Variants in TNK1 observed in about 807,000 individuals in gnomAD.
TNK1 encodes non-receptor tyrosine-protein kinase TNK1.
Under a neutral mutation model 65.2 loss-of-function variants are expected in TNK1, and 53 were observed. That is an observed-to-expected ratio of 0.81 (90% CI 0.65 to 1.02). The LOEUF (loss-of-function observed/expected upper bound fraction) is 1.02. TNK1 is among the 50% of genes least tolerant of loss of function. The pLI is 0.00. For missense variants in TNK1, 837 were observed against 878.4 expected, an observed-to-expected ratio of 0.95 and a Z score of 0.60; for synonymous variants, 353 against 364.6, an observed-to-expected ratio of 0.97 and a Z score of 0.36.
In TNK1 at chr17:7,384,185, G is replaced by A. The variant is rs537614873; in HGVS notation, c.798G>A (p.Leu266=). 1 of 1,532,886 alleles carries A rather than the reference G, an allele frequency of 6.5e-7. No homozygotes were observed. Among genetic ancestry groups the A allele is most frequent in the East Asian group, 2.5e-5 (1 of 40,502 alleles). 95.0% of individuals were successfully genotyped at this position (1,532,886 alleles called of 1,614,324 possible). ...CCATCAAGGTGGCTGACTTCGGGCT[G>A]GTGCGGCCTCTGGGCGGTGCCCGGG... The part of the protein sequence containing the change: ...PRTIKVADFG[L]VRPLGGARGR... Residue 266 remains leucine (L), a synonymous_variant, in exon 6 of 13, where the codon CTG becomes CTA. Transcript: ENST00000688331.
chr17:7,385,624 G>GCA, intron 7 of TNK1, among the ~76,000 whole-genome samples: 2 of 152,000 alleles, frequency 1.3e-5, no homozygotes, highest in African/African-American at 2.4e-5. Context: ...GAGTGCAGTG[G>GCA]TGGGATCTTG....
Position 7,388,134 on chromosome 17 carries a change from CAG to C in TNK1, c.1478-267_1478-266del, listed in dbSNP as rs1905294911. On this transcript the variant is annotated intron_variant, in intron 10 of 12. Transcript: ENST00000688331. The surrounding 1 kb of genome is among the most constrained non-coding windows in gnomAD (Gnocchi z 4.5). ...CCATCCAGCTCAGCACAGATGAAGA[CAG>C]AGAGTGGGGCCAGGCATGGTGGCTC... Among the ~76,000 whole-genome samples, 5 of 152,196 alleles carry C rather than the reference CAG, an allele frequency of 3.3e-5. No individual in the cohort carries two copies. In the South Asian group the frequency reaches 1.0e-3, roughly 31 times the overall value.
chr17:7,385,713 T>TGA (rs1905148361), intron 7 of TNK1, among the ~76,000 whole-genome samples: 1 of 151,994 alleles, frequency 6.6e-6, no homozygotes, highest in African/African-American at 2.4e-5. Context: ...TACAGGCGCC[T>TGA]GCCACCACGC....
Position 7,382,136 on chromosome 17 carries a change from C to T in TNK1, c.-91-700C>T, listed in dbSNP as rs952371420. On this transcript the variant is annotated intron_variant, in intron 1 of 12. Coordinates refer to ENST00000688331, the MANE Select transcript of TNK1 (RefSeq NM_003985.6). The surrounding 1 kb of genome is among the most constrained non-coding windows in gnomAD (Gnocchi z 4.1). ...CAAAAAATAGCCGGGCATGGTGGCA[C>T]GCGCCTGTAGTCCCAGCTACTTGGG... 2.6e-5 allele frequency among the ~76,000 whole-genome samples: 4 copies of T among 152,064 alleles called. No individual in the cohort carries two copies. The highest frequency in any genetic ancestry group is 1.9e-4 in the East Asian group (1 of 5,176).
intron 7 of TNK1, 64 bp from the exon 8 acceptor site, chr17:7,386,497 G>C (rs1905184177): frequency 7.7e-7 from 1 of 1,298,296 alleles, no homozygotes; most frequent in Non-Finnish European, 1.1e-6. Context: ...CTTTATTCCT[G>C]CTCCCATATT....
At chr17:7,384,303 G>A in intron 6 of TNK1, 50 bp downstream of exon 6, 1 of 1,436,520 alleles carries the variant, frequency 7.0e-7, no homozygotes, top group Non-Finnish European at 9.1e-7. Flanking sequence ...CGGATCCGGA[G>A]GGCAGCAGCC....
At chr17:7,386,395 T>G (rs569068033) in intron 7 of TNK1, among the ~76,000 whole-genome samples, 166 bp from the exon 8 acceptor site, 1 of 152,068 alleles carries the variant, frequency 6.6e-6, no homozygotes, top group East Asian at 1.9e-4. Flanking sequence ...TGTCATGGGA[T>G]CCAGGTCTGC....
Position 7,389,225 on chromosome 17 carries a change from C to G in TNK1, c.*141C>G, listed in dbSNP as rs1889233095. ...GGGGAGATCCCACCTGCCGTAGGCA[C>G]ATGGAGGAGGAGCCCAGAGTTGGGC... is the stretch of plus-strand genomic sequence containing the variant. On this transcript the variant is annotated 3_prime_UTR_variant, in exon 13 of 13. Coordinates refer to ENST00000688331, the MANE Select transcript of TNK1 (RefSeq NM_003985.6). 1.5e-6 allele frequency: 1 copy of G among 665,712 alleles called. No individual in the cohort carries two copies. The highest frequency in any genetic ancestry group is 1.9e-5 in the South Asian group (1 of 52,458). The allele number at this position is 665,712 out of a possible 1,614,324, so 41.2% of individuals were successfully genotyped here.
At chr17:7,387,281 T>C in intron 9 of TNK1, 97 bp from the exon 10 acceptor site, 1 of 1,505,328 alleles carries the variant, frequency 6.6e-7, no homozygotes, top group African/African-American at 1.4e-5. Context: ...GGGCCCTGGG[T>C]CTCCTGGGTT....
chr17:7,383,219 C>G, intron 2 of TNK1, 31 bp from the exon 3 acceptor site: 1 of 1,613,920 alleles, frequency 6.2e-7, no homozygotes, highest in African/African-American at 1.3e-5. Flanking sequence ...ACACCCACCT[C>G]CACTCCAGCC....
Position 7,383,317 on chromosome 17 carries a change from C to T in TNK1, c.231C>T (p.Tyr77=), listed in dbSNP as rs147315467. 2.8e-5 allele frequency: 45 copies of T among 1,614,024 alleles called. No individual in the cohort carries two copies. In the East Asian group the frequency reaches 9.8e-4, roughly 35 times the overall value. Residue 77 remains tyrosine (Y), a synonymous_variant, in exon 3 of 13, where the codon TAC becomes TAT. Transcript: ENST00000688331. ...RSGPKSKNWV[Y]KILGGFAPEH... is the part of the protein sequence containing the mutation. ...GGCCTAAGTCTAAGAACTGGGTCTA[C>T]AAGGTGTGTGTTGTAGGTGGGCAGC...
chr17:7,383,961 C>T lies in TNK1; in HGVS notation c.583-9C>T. 1.3e-6 allele frequency: 2 copies of T among 1,511,010 alleles called. No individual in the cohort carries two copies. Among genetic ancestry groups the T allele is most frequent in the Non-Finnish European group, 1.8e-6 (2 of 1,129,784 alleles). 93.6% of individuals were successfully genotyped at this position (1,511,010 alleles called of 1,614,324 possible). ...TCCGGCTCACGCGGCGCGGTGTTCC[C>T]TCCTGCAGGTGATGGAGCTGGCGCC... On this transcript the variant is annotated splice_polypyrimidine_tract_variant and intron_variant, in intron 5 of 12. Coordinates refer to ENST00000688331, the MANE Select transcript of TNK1 (RefSeq NM_003985.6).
chr17:7,385,712 C>G lies in TNK1; in HGVS notation c.1138-849C>G, dbSNP rs184902372. 8.3e-3 allele frequency among the ~76,000 whole-genome samples: 1,265 copies of G among 151,898 alleles called. 15 individuals carry two copies. Among genetic ancestry groups the G allele is most frequent in the Non-Finnish European group, 0.012 (828 of 67,900 alleles). On this transcript the variant is annotated intron_variant, in intron 7 of 12. Transcript: ENST00000688331. ...CCCGAGTAGCTGGGATTACAGGCGCCTGCCACCACGCCTGGCTAATTTTTG... is the reference window on the plus strand; with the variant it reads ...CCCGAGTAGCTGGGATTACAGGCGCGTGCCACCACGCCTGGCTAATTTTTG...
chr17:7,386,182 T>C (rs1245144393), intron 7 of TNK1, among the ~76,000 whole-genome samples: 2 of 152,052 alleles, frequency 1.3e-5, no homozygotes, highest in Non-Finnish European at 2.9e-5. Context: ...ACAGTGGCTG[T>C]GAAGCAGAAG....
chr17:7,388,276 T>C lies in TNK1; in HGVS notation c.1478-130T>C. The stretch of plus-strand genomic sequence containing the variant: ...CCCCTTCTCTACAAAAATACAAAAA[T>C]TAGCCAGTCGTAATGGCAGGCACCT... On this transcript the variant is annotated intron_variant, in intron 10 of 12. Transcript: ENST00000688331. This position sits in a 1 kb window ranked among gnomAD's most constrained non-coding sequence, Gnocchi z 4.5. The C allele has an allele frequency of 1.1e-6, 1 of 942,262 alleles. No homozygotes were observed. Among genetic ancestry groups the C allele is most frequent in the East Asian group, 2.6e-5 (1 of 37,976 alleles). The allele number at this position is 942,262 out of a possible 1,614,324, so 58.4% of individuals were successfully genotyped here.
rs1260937052 is a variant in TNK1 at position 7,389,164 on chromosome 17, C to A, written c.*80C>A. 6 of 1,169,628 alleles carry A rather than the reference C, an allele frequency of 5.1e-6. No individual in the cohort carries two copies. Among genetic ancestry groups the A allele is most frequent in the Middle Eastern group, 2.6e-4 (1 of 3,840 alleles). 72.5% of individuals were successfully genotyped at this position (1,169,628 alleles called of 1,614,324 possible). ...CTGGCCACATGGGACCAAGCGGAAC[C>A]AGAACAAGGTCCCGACAGGGGTAGA... On this transcript the variant is annotated 3_prime_UTR_variant, in exon 13 of 13. Coordinates refer to ENST00000688331, the MANE Select transcript of TNK1 (RefSeq NM_003985.6).
rs566055005 is a variant in TNK1 at position 7,382,801 on chromosome 17, T to C, written c.-91-35T>C. On this transcript the variant is annotated intron_variant, in intron 1 of 12. Coordinates refer to ENST00000688331, the MANE Select transcript of TNK1 (RefSeq NM_003985.6). This position sits in a 1 kb window ranked among gnomAD's most constrained non-coding sequence, Gnocchi z 4.1. ...ATCCTGGCTGTCTCTGCTGTGTCCC[T>C]GCCTCTGTACCTGAGTGTTTCTAAT... The C allele has an allele frequency of 2.0e-6, 2 of 1,024,476 alleles. No individual in the cohort carries two copies. The highest frequency in any genetic ancestry group is 1.6e-5 in the African/African-American group (1 of 62,654). The allele number at this position is 1,024,476 out of a possible 1,614,324, so 63.5% of individuals were successfully genotyped here.
chr17:7,386,980 C>G lies in TNK1; in HGVS notation c.1233-10C>G. The G allele has an allele frequency of 6.5e-7, 1 of 1,541,592 alleles. No individual in the cohort carries two copies. The highest frequency in any genetic ancestry group is 2.0e-5 in the Admixed American group (1 of 49,676). ...ATTCCCATCCTATTTACCAGCTCCT[C>G]TTTCCACAGCCCCGACTCCACAATC... is the stretch of plus-strand genomic sequence containing the variant. On this transcript the variant is annotated splice_polypyrimidine_tract_variant and intron_variant, in intron 8 of 12. Coordinates refer to ENST00000688331, the MANE Select transcript of TNK1 (RefSeq NM_003985.6).
At chr17:7,386,484 C>A in intron 7 of TNK1, 77 bp from the exon 8 acceptor site, 1 of 1,149,922 alleles carries the variant, frequency 8.7e-7, no homozygotes, top group Admixed American at 2.0e-5. Context: ...GAGCGGAGCT[C>A]CTCTTTATTC....
Sources: gnomAD v4.1 joint callset for allele counts (sites outside exome capture counted in the v4.1 genomes callset) on GRCh38, gnomAD v4.1.1 for gene constraint, Gnocchi (gnomAD v3.1) non-coding constraint, MANE v1.5 for transcripts, NCBI Gene and HGNC (gene_info 2026-07-23, HGNC 2026-07-21) for gene names.